TMEM245: variants seen among roughly 807,000 people sequenced by gnomAD.
TMEM245 encodes the protein transmembrane protein 245.
TMEM245 carries 69 observed loss-of-function variants against 101.2 expected under a neutral mutation model. That is an observed-to-expected ratio of 0.68 (90% CI 0.56 to 0.83). The LOEUF (loss-of-function observed/expected upper bound fraction) is 0.83, where lower values mean the gene tolerates loss of function less well. TMEM245 is among the 40% of genes least tolerant of loss of function. TMEM245 has a pLI of 0.00. For missense variants in TMEM245, 1,075 were observed against 1,092.8 expected, an observed-to-expected ratio of 0.98 and a Z score of 0.23; for synonymous variants, 537 against 449.8, an observed-to-expected ratio of 1.19 and a Z score of -2.45.
intron 1 of TMEM245, among the ~76,000 whole-genome samples, chr9:109,112,786 G>A (rs1830600454): frequency 6.6e-6 from 1 of 152,028 alleles, no homozygotes; most frequent in Non-Finnish European, 1.5e-5. Context: ...GTAGAGAAAA[G>A]GGATAATTCG....
Position 109,038,052 on chromosome 9 carries a change from G to A in TMEM245, c.2189C>T (p.Thr730Ile). ...FYGLYTWLTH[T>I]MFGINIVFIP... Reference sequence around the variant, plus strand: ...GAAGACAATATTGATGCCAAACATAGTATGAGTCAGCCAGGTATACAATCC... The same window carrying A: ...GAAGACAATATTGATGCCAAACATAATATGAGTCAGCCAGGTATACAATCC... The change falls in exon 15 of 18, where the codon ACT becomes ATT. Residue 730 changes from threonine (T) to isoleucine (I), a missense_variant. Physicochemically the swap from Thr to Ile is moderately conservative, Grantham distance 89. Coordinates refer to ENST00000374586, the MANE Select transcript of TMEM245 (RefSeq NM_032012.4). 2 of 1,613,148 alleles carry A rather than the reference G, an allele frequency of 1.2e-6. No individual in the cohort carries two copies. Among genetic ancestry groups the A allele is most frequent in the Non-Finnish European group, 1.7e-6 (2 of 1,179,568 alleles).
At chr9:109,073,526 G>A in intron 8 of TMEM245, 88 bp from the exon 9 acceptor site, 1 of 968,394 alleles carries the variant, frequency 1.0e-6, no homozygotes, top group Non-Finnish European at 1.6e-6. Flanking sequence ...TTGGAACAAT[G>A]CTTTGAGAGC....
intron 10 of TMEM245, among the ~76,000 whole-genome samples, chr9:109,062,907 T>G (rs550444558): frequency 6.6e-6 from 1 of 151,804 alleles, no homozygotes; most frequent in African/African-American, 2.4e-5. Context: ...GAGGTGGAAG[T>G]TGCAGTGAGC....
At chr9:109,100,197 C>G (rs991203256) in intron 3 of TMEM245, among the ~76,000 whole-genome samples, 5 of 152,178 alleles carry the variant, frequency 3.3e-5, no homozygotes, top group African/African-American at 1.2e-4. Context: ...GAGCTGACAA[C>G]TACAACTGAT....
chr9:109,108,594 T>C, intron 1 of TMEM245, 24 bp from the exon 2 acceptor site: 1 of 1,522,866 alleles, frequency 6.6e-7, no homozygotes, highest in Admixed American at 1.9e-5. Context: ...AAGACACAGC[T>C]GTAAAATCTA....
In TMEM245 at chr9:109,119,403, C is replaced by G. The variant is rs1830830160; in HGVS notation, c.511G>C (p.Val171Leu). The G allele has an allele frequency of 6.5e-7, 1 of 1,527,856 alleles. No individual in the cohort carries two copies. The highest frequency in any genetic ancestry group is 1.4e-5 in the African/African-American group (1 of 70,802). 94.6% of individuals were successfully genotyped at this position (1,527,856 alleles called of 1,614,324 possible). ...GLYCLGSYLG[V>L]QVLLVHAATL... ...GCAGCGTGCACCAGCAGCACCTGCA[C>G]GCCCAAGTAGCTGCCGAGGCAGTAG... Residue 171 changes from valine to leucine, a missense_variant, in exon 1 of 18, where the codon GTG (valine) becomes CTG (leucine). This residue lies in a region of TMEM245 where 808 missense variants were observed against 741.5 expected (regional missense o/e 1.09). Coordinates refer to ENST00000374586, the MANE Select transcript of TMEM245 (RefSeq NM_032012.4).
chr9:109,054,906 A>T (rs1828787178), intron 12 of TMEM245, among the ~76,000 whole-genome samples: 1 of 152,254 alleles, frequency 6.6e-6, no homozygotes, highest in African/African-American at 2.4e-5. Flanking sequence ...AGCACCTAGC[A>T]CAATATTTGA....
chr9:109,032,237 T>C (rs1369655262), intron 17 of TMEM245, among the ~76,000 whole-genome samples: 3 of 152,134 alleles, frequency 2.0e-5, no homozygotes, highest in Admixed American at 6.5e-5. Flanking sequence ...AAATTTAACA[T>C]TGATATATTA....
chr9:109,059,898 CAA>C (rs1038860777), intron 11 of TMEM245, among the ~76,000 whole-genome samples: 3 of 148,866 alleles, frequency 2.0e-5, no homozygotes, highest in Non-Finnish European at 3.0e-5. Flanking sequence ...TGCTAGATTT[CAA>C]AGACATATGG....
chr9:109,119,343 T>G lies in TMEM245; in HGVS notation c.571A>C (p.Ser191Arg). 2.6e-6 allele frequency: 4 copies of G among 1,530,918 alleles called. No homozygotes were observed. The highest frequency in any genetic ancestry group is 3.5e-6 in the Non-Finnish European group (4 of 1,142,998). The allele number at this position is 1,530,918 out of a possible 1,614,324, so 94.8% of individuals were successfully genotyped here. The change falls in exon 1 of 18, where the codon AGC becomes CGC. Residue 191 changes from serine to arginine, a missense_variant. Transcript: ENST00000374586. Reference protein sequence around the residue: ...LICRGLDYFSSLWIWTLVVGY... With the variant: ...LICRGLDYFSRLWIWTLVVGY... Reference sequence around the variant, plus strand: ...GACTGCCGCTCACTCACCCACAGGCTGCTGAAGTAGTCCAGCCCGCGGCAG... The same window carrying G: ...GACTGCCGCTCACTCACCCACAGGCGGCTGAAGTAGTCCAGCCCGCGGCAG...
chr9:109,022,086 T>C (rs573485809), intron 17 of TMEM245, among the ~76,000 whole-genome samples: 2 of 152,240 alleles, frequency 1.3e-5, no homozygotes, highest in African/African-American at 4.8e-5. Context: ...AAGGCAGAGA[T>C]CAATTAAAGA....
intron 5 of TMEM245, 89 bp from the exon 6 acceptor site, chr9:109,087,431 C>T: frequency 7.9e-7 from 1 of 1,259,798 alleles, no homozygotes. Flanking sequence ...CAAAACCTTT[C>T]TAAAACAACA....
intron 3 of TMEM245, among the ~76,000 whole-genome samples, chr9:109,102,852 T>C (rs947791005): frequency 2.6e-5 from 4 of 152,226 alleles, no homozygotes; most frequent in African/African-American, 7.2e-5. Flanking sequence ...GAGTAAAGTA[T>C]TGGTCAACTG....
chr9:109,076,611 A>G (rs1350948042), intron 8 of TMEM245, among the ~76,000 whole-genome samples: 3 of 152,358 alleles, frequency 2.0e-5, no homozygotes, highest in African/African-American at 7.2e-5. Flanking sequence ...CGCCAAAAAA[A>G]AAGTATGTTG....
intron 7 of TMEM245, among the ~76,000 whole-genome samples, 189 bp from the exon 8 acceptor site, chr9:109,081,132 T>C (rs1267862373): frequency 1.3e-5 from 2 of 152,172 alleles, no homozygotes; most frequent in East Asian, 1.9e-4. Flanking sequence ...TGTTGTTATA[T>C]AGTTTATTAC....
Position 109,091,027 on chromosome 9 carries a change from T to A in TMEM245, c.1045A>T (p.Lys349Ter). 6.2e-7 allele frequency: 1 copy of A among 1,614,190 alleles called. No individual in the cohort carries two copies. Among genetic ancestry groups the A allele is most frequent in the Non-Finnish European group, 8.5e-7 (1 of 1,180,032 alleles). ...ACAAAGTAGATGTCACTAGTTTTCT[T>A]CTTTCTAAGAAACGTTCCTATTTCA... ...RPEIGTFLRKKKTSDIYFVSL... is the reference protein window; with the variant it reads ...RPEIGTFLRK Residue 349 changes from lysine (K) to a stop codon, truncating the protein, a stop_gained, in exon 5 of 18, where the codon AAG becomes TAG. Transcript: ENST00000374586. LOFTEE classifies it high-confidence loss of function.
intron 7 of TMEM245, 70 bp from the exon 8 acceptor site, chr9:109,081,013 T>C (rs1829652746): frequency 1.0e-6 from 1 of 1,002,040 alleles, no homozygotes; most frequent in Non-Finnish European, 1.5e-6. Flanking sequence ...TACTCAATTG[T>C]CATAAAGACA....
rs1351821795 is a variant in TMEM245, at chr9:109,073,422, A to G, written c.1466T>C (p.Val489Ala). 6.2e-7 allele frequency: 1 copy of G among 1,611,180 alleles called. No individual in the cohort carries two copies. The highest frequency in any genetic ancestry group is 2.2e-5 in the East Asian group (1 of 44,826). Residue 489 changes from valine to alanine, a missense_variant, in exon 9 of 18, where the codon GTA becomes GCA. Around this residue, in one of 2 missense-constraint regions of TMEM245, gnomAD observed 808 missense variants for 741.5 expected, o/e 1.09. Transcript: ENST00000374586. ...LLTAKVHQES[V>A]HMIEVTSNLI... ...ATTACTTGTGACTTCAATCATGTGT[A>G]CACTCTCTTGATGTACCTGTATTAC...
intron 5 of TMEM245, among the ~76,000 whole-genome samples, chr9:109,089,059 T>C (rs1829924244): frequency 6.6e-6 from 1 of 151,442 alleles, no homozygotes; most frequent in African/African-American, 2.4e-5. Flanking sequence ...GAGGTTTGCT[T>C]GAGTCCAGGA....
Sources: gnomAD v4.1 joint callset for allele counts (sites outside exome capture counted in the v4.1 genomes callset) on GRCh38, gnomAD v4.1.1 for gene constraint, gnomAD v4.1.1 regional missense constraint, MANE v1.5 for transcripts, NCBI Gene and HGNC (gene_info 2026-07-23, HGNC 2026-07-21) for gene names.